Variants in LSMEM1 observed in about 807,000 individuals in gnomAD.
The protein encoded by LSMEM1 is leucine-rich single-pass membrane protein 1.
LSMEM1 carries 10 observed loss-of-function variants against 11.3 expected under a neutral mutation model. The ratio of observed to expected loss-of-function variants is 0.89; its 90% CI spans 0.55 to 1.50. LSMEM1 has a LOEUF of 1.50. LSMEM1 is among the 40% of genes most tolerant of loss of function. The pLI is 0.00. For synonymous variants in LSMEM1, 65 were observed against 59.3 expected (o/e 1.10, Z -0.44); for missense variants, 151 against 152.9 (o/e 0.99, Z 0.06).
At chr7:112,489,534 G>T (rs764817092) in intron 3 of LSMEM1, among the ~76,000 whole-genome samples, 1 of 152,170 alleles carries the variant, frequency 6.6e-6, no homozygotes, top group Non-Finnish European at 1.5e-5. Flanking sequence ...AGCTTCCTTT[G>T]GTTGCTCACA....
chr7:112,484,773 G>A (rs1338153458), intron 1 of LSMEM1, 39 bp from the exon 2 acceptor site: 1 of 1,600,822 alleles, frequency 6.2e-7, no homozygotes, highest in Non-Finnish European at 8.5e-7. Context: ...GAGTTCACAA[G>A]CCCAACCTCT....
chr7:112,480,960 G>A (rs1260289141), upstream of LSMEM1: 6 of 452,808 alleles, frequency 1.3e-5, no homozygotes, highest in Non-Finnish European at 2.7e-5. Flanking sequence ...TCAGCTAACA[G>A]TTGCTTCAGC....
intron 2 of LSMEM1, chr7:112,486,499 G>T: frequency 2.7e-6 from 1 of 365,498 alleles, no homozygotes; most frequent in South Asian, 2.0e-5. Flanking sequence ...AGTCACGGCC[G>T]GGCGCCGTGG....
chr7:112,484,647 G>A (rs1255762240), intron 1 of LSMEM1, among the ~76,000 whole-genome samples, 165 bp from the exon 2 acceptor site: 3 of 152,168 alleles, frequency 2.0e-5, no homozygotes, highest in Admixed American at 2.0e-4. Flanking sequence ...TCCACAGAAG[G>A]AAATATTTTT....
chr7:112,485,718 A>G (rs1379917032), intron 2 of LSMEM1, among the ~76,000 whole-genome samples: 1 of 151,914 alleles, frequency 6.6e-6, no homozygotes, highest in Non-Finnish European at 1.5e-5. Flanking sequence ...TGTCAGCCCT[A>G]TGCTGTTGCT....
Position 112,484,996 on chromosome 7 carries a change from A to C in LSMEM1, c.127+53A>C, listed in dbSNP as rs1796101527. On this transcript the variant is annotated intron_variant, in intron 2 of 3. Coordinates refer to ENST00000312849, the MANE Select transcript of LSMEM1 (RefSeq NM_182597.3). Reference sequence around the variant, plus strand: ...CCCTTCCTAGCTTCTAGGCTACCTAAAAATAGCCACTGCTGACTGGATGTG... The same window carrying C: ...CCCTTCCTAGCTTCTAGGCTACCTACAAATAGCCACTGCTGACTGGATGTG... 2.6e-6 allele frequency: 4 copies of C among 1,560,798 alleles called. No homozygotes were observed. In the East Asian group the frequency reaches 9.5e-5, roughly 37 times the overall value.
intron 1 of LSMEM1, 129 bp downstream of exon 1, chr7:112,481,475 A>G (rs1454614656): frequency 6.6e-6 from 1 of 152,322 alleles, no homozygotes; most frequent in East Asian, 1.9e-4. Context: ...TTTAAAAATT[A>G]CTTCCTGAAT....
At chr7:112,489,763 G>C (rs774298009) in intron 3 of LSMEM1, 47 bp from the exon 4 acceptor site, 2 of 1,574,448 alleles carry the variant, frequency 1.3e-6, no homozygotes, top group South Asian at 1.2e-5. Flanking sequence ...AATTTCAGTG[G>C]AACACAGTGG....
intron 2 of LSMEM1, chr7:112,486,313 C>CT (rs1175839419): frequency 2.3e-6 from 1 of 437,618 alleles, no homozygotes; most frequent in African/African-American, 2.0e-5. Context: ...TCTATATTCC[C>CT]TCTCCCCACA....
At chr7:112,487,762 G>A (rs1367932347) in intron 3 of LSMEM1, among the ~76,000 whole-genome samples, 1 of 152,184 alleles carries the variant, frequency 6.6e-6, no homozygotes, top group South Asian at 2.1e-4. Flanking sequence ...CTGTCTTCCC[G>A]TTCTGAGCGT....
Position 112,486,988 on chromosome 7 carries a change from G to T in LSMEM1, c.193G>T (p.Val65Leu), listed in dbSNP as rs576402664. ...AAATGGAAGCCGGAGTCTGTTTTTT[G>T]TGGGGCTGCTAATTGTGCTGATTGT... ...SGNGSRSLFF[V>L]GLLIVLIVSL... is the part of the protein sequence containing the mutation. Residue 65 changes from valine (V) to leucine (L), a missense_variant, in exon 3 of 4, where the codon GTG (valine) becomes TTG (leucine). Transcript: ENST00000312849. The T allele has an allele frequency of 1.9e-6, 3 of 1,614,104 alleles. No individual in the cohort carries two copies. The South Asian group carries it at 3.3e-5, about 18-fold the overall frequency.
chr7:112,485,033 GA>G (rs1370159339), intron 2 of LSMEM1, 90 bp downstream of exon 2: 47 of 1,385,802 alleles, frequency 3.4e-5, no homozygotes, highest in African/African-American at 7.4e-5. Flanking sequence ...GGGTGTGGTG[GA>G]GGGGGAGGGG....
rs190431143 is a variant in LSMEM1, at chr7:112,482,272, C to T, written c.-6+926C>T. Among the ~76,000 whole-genome samples the T allele has an allele frequency of 2.0e-3, 309 of 152,228 alleles. 2 individuals carry two copies. Among genetic ancestry groups the T allele is most frequent in the Non-Finnish European group, 3.6e-3 (243 of 68,016 alleles). On this transcript the variant is annotated intron_variant, in intron 1 of 3. Transcript: ENST00000312849. The stretch of plus-strand genomic sequence containing the variant: ...ACGTCATGGCTCACTAGGTTGTTGT[C>T]TTAGTTTTTTTTGGAGTCACCTTTT...
Position 112,490,068 on chromosome 7 carries a change from A to G in LSMEM1, c.*119A>G. ...AGGCAACAGATGATCTGGTCAGGCAACCCACCCCTGGGGCCCACTTTCTGC... is the reference window on the plus strand; with the variant it reads ...AGGCAACAGATGATCTGGTCAGGCAGCCCACCCCTGGGGCCCACTTTCTGC... On this transcript the variant is annotated 3_prime_UTR_variant, in exon 4 of 4. Coordinates refer to ENST00000312849, the MANE Select transcript of LSMEM1 (RefSeq NM_182597.3). 8.2e-7 allele frequency: 1 copy of G among 1,216,680 alleles called. No individual in the cohort carries two copies. Among genetic ancestry groups the G allele is most frequent in the Non-Finnish European group, 1.1e-6 (1 of 886,816 alleles). 75.4% of individuals were successfully genotyped at this position (1,216,680 alleles called of 1,614,324 possible).
chr7:112,485,031 T>TGGGGGG, intron 2 of LSMEM1, 88 bp downstream of exon 2: 12 of 1,199,542 alleles, frequency 1.0e-5, no homozygotes, highest in South Asian at 1.5e-5. Context: ...GTGGGTGTGG[T>TGGGGGG]GGAGGGGGAG....
intron 2 of LSMEM1, 188 bp from the exon 3 acceptor site, chr7:112,486,735 C>A: frequency 1.6e-6 from 1 of 644,676 alleles, no homozygotes; most frequent in Non-Finnish European, 2.4e-6. Context: ...GAGATCAAGC[C>A]ACTGCACTCC....
upstream of LSMEM1, among the ~76,000 whole-genome samples, chr7:112,480,342 C>T (rs1263704744): frequency 6.6e-6 from 1 of 152,180 alleles, no homozygotes; most frequent in Non-Finnish European, 1.5e-5. Context: ...TGCGCTCCAG[C>T]CTGGGCAACA....
intron 1 of LSMEM1, chr7:112,483,612 T>G (rs1381160978): frequency 6.6e-6 from 1 of 152,238 alleles, no homozygotes; most frequent in African/African-American, 2.4e-5. Context: ...GACAGGTTGG[T>G]TCTCTCTTCC....
intron 3 of LSMEM1, among the ~76,000 whole-genome samples, chr7:112,488,770 T>C (rs975395960): frequency 3.0e-4 from 46 of 152,182 alleles, no homozygotes; most frequent in African/African-American, 8.7e-4. Flanking sequence ...CTAATTTTTG[T>C]ATTTTTAGTA....
Sources: gnomAD v4.1 joint callset for allele counts (sites outside exome capture counted in the v4.1 genomes callset) on GRCh38, gnomAD v4.1.1 for gene constraint, MANE v1.5 for transcripts, NCBI Gene and HGNC (gene_info 2026-07-23, HGNC 2026-07-21) for gene names.